Variants in KALRN observed in about 807,000 individuals in gnomAD.
KALRN encodes kalirin.
Under a neutral mutation model 353.7 loss-of-function variants are expected in KALRN, and 70 were observed. The observed-to-expected ratio is 0.20, with a 90% CI of 0.16 to 0.24. The LOEUF (loss-of-function observed/expected upper bound fraction) is 0.24, where lower values mean the gene tolerates loss of function less well. KALRN is among the 10% of genes least tolerant of loss of function. The pLI is 1.00. For synonymous variants in KALRN, 1,391 were observed against 1,434.8 expected (o/e 0.97, Z 0.69); for missense variants, 2,791 against 3,756.7 (o/e 0.74, Z 6.72).
intron 34 of KALRN, among the ~76,000 whole-genome samples, chr3:124,590,577 G>A (rs2075674458): frequency 1.3e-5 from 2 of 152,048 alleles, no homozygotes; most frequent in Non-Finnish European, 2.9e-5. Flanking sequence ...TTCCTTTTAA[G>A]AATCTTCATA....
chr3:124,293,999 GAC>G (rs1560484955), intron 5 of KALRN, among the ~76,000 whole-genome samples: 1 of 151,988 alleles, frequency 6.6e-6, no homozygotes. Flanking sequence ...GCCATCCCCA[GAC>G]ACCTGGCACT....
intron 10 of KALRN, among the ~76,000 whole-genome samples, chr3:124,380,614 C>G (rs989284120): frequency 1.3e-5 from 2 of 152,136 alleles, no homozygotes; most frequent in Non-Finnish European, 2.9e-5. Flanking sequence ...ACTGGGAAAC[C>G]AAAGAATGCC....
intron 1 of KALRN, among the ~76,000 whole-genome samples, chr3:124,080,263 A>G (rs564307273): frequency 7.1e-4 from 108 of 152,310 alleles, no homozygotes; most frequent in African/African-American, 2.5e-3. Flanking sequence ...ACTTTTTTTT[A>G]AAAAGCTAAA....
intron 34 of KALRN, among the ~76,000 whole-genome samples, chr3:124,624,176 C>G (rs903841826): frequency 1.3e-5 from 2 of 152,222 alleles, no homozygotes; most frequent in Admixed American, 6.5e-5. Context: ...CATCTCCATG[C>G]TGTATATGCT....
At chr3:124,166,691 C>T (rs1269411862) in intron 1 of KALRN, among the ~76,000 whole-genome samples, 1 of 152,120 alleles carries the variant, frequency 6.6e-6, no homozygotes, top group African/African-American at 2.4e-5. Flanking sequence ...CAAATTTAAA[C>T]TGACACCGCT....
chr3:124,373,239 G>A (rs1328986749), intron 10 of KALRN, among the ~76,000 whole-genome samples: 1 of 152,138 alleles, frequency 6.6e-6, no homozygotes, highest in Non-Finnish European at 1.5e-5. Context: ...ATGGTCTTAT[G>A]GTCTAAAATG....
chr3:124,518,383 G>A lies in KALRN; in HGVS notation c.4935+21970G>A, dbSNP rs369270229. 3.5e-5 allele frequency: 56 copies of A among 1,608,286 alleles called. No homozygotes were observed. In the Admixed American group the frequency reaches 7.5e-4, roughly 22 times the overall value. ...AAGTTATATGCAAATCACAGAGCCCGGCCCTTTTCTTAACAGGATGGCAAC... is the reference window on the plus strand; with the variant it reads ...AAGTTATATGCAAATCACAGAGCCCAGCCCTTTTCTTAACAGGATGGCAAC... On this transcript the variant is annotated intron_variant, in intron 33 of 59. Transcript: ENST00000682506.
chr3:124,162,490 G>A (rs920785490), intron 1 of KALRN: 1 of 152,168 alleles, frequency 6.6e-6, no homozygotes, highest in African/African-American at 2.4e-5. Context: ...ATTATAGTTT[G>A]TTTTGGCTCC....
At chr3:124,182,131 A>C (rs1418832098) in intron 1 of KALRN, among the ~76,000 whole-genome samples, 1 of 152,264 alleles carries the variant, frequency 6.6e-6, no homozygotes, top group Non-Finnish European at 1.5e-5. Context: ...ATAGGGCAGT[A>C]AATATTTGGA....
At chr3:124,476,812 A>C (rs2061474061) in intron 26 of KALRN, among the ~76,000 whole-genome samples, 1 of 152,202 alleles carries the variant, frequency 6.6e-6, no homozygotes, top group African/African-American at 2.4e-5. Context: ...TTAGAGTACA[A>C]GCAGATCTAC....
At chr3:124,364,912 C>T (rs570491430) in intron 10 of KALRN, among the ~76,000 whole-genome samples, 7 of 152,346 alleles carry the variant, frequency 4.6e-5, no homozygotes, top group African/African-American at 1.7e-4. Flanking sequence ...ACTATTGCCC[C>T]TGCCATTCCC....
intron 45 of KALRN, among the ~76,000 whole-genome samples, chr3:124,662,157 G>C (rs1358652250): frequency 6.8e-6 from 1 of 146,590 alleles, no homozygotes; most frequent in Admixed American, 6.8e-5. Flanking sequence ...CCAAACCAAA[G>C]TCAGAATTCC....
chr3:124,157,322 T>C (rs2069148943), intron 1 of KALRN, among the ~76,000 whole-genome samples: 1 of 152,210 alleles, frequency 6.6e-6, no homozygotes, highest in African/African-American at 2.4e-5. Flanking sequence ...TTTGTTCGTG[T>C]AGACAGGGCT....
At chr3:124,503,525 T>TC (rs1347855564) in intron 33 of KALRN, among the ~76,000 whole-genome samples, 1 of 152,114 alleles carries the variant, frequency 6.6e-6, no homozygotes, top group Non-Finnish European at 1.5e-5. Flanking sequence ...CCAGTATAGT[T>TC]CCTTTGTTAC....
intron 32 of KALRN, among the ~76,000 whole-genome samples, chr3:124,495,978 T>TATATATATATATATATATATATATAC (rs2063731244): frequency 3.8e-5 from 1 of 26,520 alleles, no homozygotes; most frequent in Non-Finnish European, 6.9e-5. Context: ...TATATATATA[T>TATATATATATATATATATATATATAC]ATATATATAT....
chr3:124,128,406 C>A (rs888817449), intron 1 of KALRN, among the ~76,000 whole-genome samples: 1 of 152,068 alleles, frequency 6.6e-6, no homozygotes. Flanking sequence ...ATGGATTTTC[C>A]GTAGAGACTA....
intron 1 of KALRN, among the ~76,000 whole-genome samples, chr3:124,177,300 T>C (rs2072920571): frequency 6.6e-6 from 1 of 152,242 alleles, no homozygotes; most frequent in South Asian, 2.1e-4. Context: ...AAGTGTGGAC[T>C]CAGGCAAAGC....
At chr3:124,194,382 T>C (rs2075232162) in intron 1 of KALRN, among the ~76,000 whole-genome samples, 1 of 151,968 alleles carries the variant, frequency 6.6e-6, no homozygotes. Flanking sequence ...TACCTGGGTC[T>C]TAGTTCTGGC....
At chr3:124,177,145 G>A (rs1231834521) in intron 1 of KALRN, among the ~76,000 whole-genome samples, 1 of 152,208 alleles carries the variant, frequency 6.6e-6, no homozygotes, top group Admixed American at 6.5e-5. Flanking sequence ...TGGTAATGGG[G>A]TTTCTTTATT....
Sources: gnomAD v4.1 joint callset for allele counts (sites outside exome capture counted in the v4.1 genomes callset) on GRCh38, gnomAD v4.1.1 for gene constraint, MANE v1.5 for transcripts, NCBI Gene and HGNC (gene_info 2026-07-23, HGNC 2026-07-21) for gene names.